CLDN10: variants seen among roughly 807,000 people sequenced by gnomAD.
CLDN10 encodes claudin-10.
In CLDN10, 15 loss-of-function variants were observed where a neutral mutation model predicts 22.9. The ratio of observed to expected loss-of-function variants is 0.65; its 90% CI spans 0.44 to 1.01. The LOEUF (loss-of-function observed/expected upper bound fraction) is 1.01, where lower values mean the gene tolerates loss of function less well. Ranked by LOEUF, CLDN10 falls within the 50% of genes least tolerant of loss-of-function variation. The pLI, the probability that CLDN10 is intolerant of heterozygous loss-of-function variation, is 0.00. For synonymous variants in CLDN10, 114 were observed against 111.4 expected (o/e 1.02, Z -0.15); for missense variants, 247 against 287.8 (o/e 0.86, Z 1.03).
intron 1 of CLDN10, chr13:95,533,597 G>A (rs896013902): frequency 6.6e-6 from 1 of 152,082 alleles, no homozygotes; most frequent in African/African-American, 2.4e-5. Context: ...AGGTGGAGGG[G>A]AAAACCTGTA....
intron 1 of CLDN10, among the ~76,000 whole-genome samples, chr13:95,480,552 T>G (rs2042735679): frequency 6.6e-6 from 1 of 152,190 alleles, no homozygotes; most frequent in African/African-American, 2.4e-5. Context: ...TCCTGCCCAC[T>G]GGGAGCCAGC....
At chr13:95,438,367 A>G (rs533727661) in intron 1 of CLDN10, among the ~76,000 whole-genome samples, 192 of 152,296 alleles carry the variant, frequency 1.3e-3, no homozygotes, top group Non-Finnish European at 2.0e-3. Flanking sequence ...GGCCTCCCAG[A>G]GTGCTGGGAT....
intron 1 of CLDN10, among the ~76,000 whole-genome samples, chr13:95,459,988 C>T (rs981849311): frequency 2.0e-5 from 3 of 152,128 alleles, no homozygotes; most frequent in African/African-American, 7.2e-5. Flanking sequence ...TTTCTTCTGC[C>T]AGATACCCTA....
At chr13:95,545,571 G>A (rs2138630471) in intron 1 of CLDN10, among the ~76,000 whole-genome samples, 1 of 152,200 alleles carries the variant, frequency 6.6e-6, no homozygotes, top group Non-Finnish European at 1.5e-5. Context: ...TCACTTTTGG[G>A]TCCCAGTTTC....
chr13:95,458,503 C>T (rs1454558164), intron 1 of CLDN10, among the ~76,000 whole-genome samples: 3 of 152,116 alleles, frequency 2.0e-5, no homozygotes, highest in Non-Finnish European at 4.4e-5. Flanking sequence ...GGGAAGCAAG[C>T]CACCTTCTTC....
intron 1 of CLDN10, among the ~76,000 whole-genome samples, chr13:95,526,760 C>T (rs1228928501): frequency 2.0e-5 from 3 of 151,220 alleles, no homozygotes; most frequent in Non-Finnish European, 4.4e-5. Flanking sequence ...GCACTCCAGC[C>T]TGGGCAATAA....
At chr13:95,533,339 C>T (rs921660299) in intron 1 of CLDN10, among the ~76,000 whole-genome samples, 4 of 151,738 alleles carry the variant, frequency 2.6e-5, no homozygotes, top group African/African-American at 4.8e-5. Context: ...GGGGTGTTTA[C>T]TGTAAAATTC....
At chr13:95,571,839 A>C (rs2043866091) in intron 3 of CLDN10, among the ~76,000 whole-genome samples, 1 of 152,170 alleles carries the variant, frequency 6.6e-6, no homozygotes, top group South Asian at 2.1e-4. Context: ...AAACTTTGTA[A>C]AAAAACCTAT....
chr13:95,471,453 A>ATATATATATATATATATT (rs776857009), intron 1 of CLDN10, among the ~76,000 whole-genome samples: 12 of 106,390 alleles, frequency 1.1e-4, no homozygotes, highest in Non-Finnish European at 2.0e-4. Context: ...ATATATATAT[A>ATATATATATATATATATT]TTTTTTTTTT....
chr13:95,524,583 C>G (rs12868251), intron 1 of CLDN10, among the ~76,000 whole-genome samples: 15,145 of 152,086 alleles, frequency 0.1, 923 homozygotes, highest in Middle Eastern at 0.13. Flanking sequence ...TTATTTCCAC[C>G]TTTGGGCTAT....
At chr13:95,483,802 T>C (rs1227176411) in intron 1 of CLDN10, among the ~76,000 whole-genome samples, 1 of 152,108 alleles carries the variant, frequency 6.6e-6, no homozygotes, top group Non-Finnish European at 1.5e-5. Flanking sequence ...CAGGCATGAG[T>C]GTGCTATGGT....
At chr13:95,442,897 C>T (rs79386051) in intron 1 of CLDN10, among the ~76,000 whole-genome samples, 6 of 152,174 alleles carry the variant, frequency 3.9e-5, no homozygotes, top group Admixed American at 6.5e-5. Context: ...TAATGTAAAA[C>T]GCTTTACATC....
At chr13:95,450,996 C>A (rs979608616) in intron 1 of CLDN10, among the ~76,000 whole-genome samples, 7 of 152,158 alleles carry the variant, frequency 4.6e-5, no homozygotes, top group African/African-American at 1.4e-4. Context: ...GTGCTAGGAG[C>A]TTTACCCATG....
In CLDN10 at chr13:95,555,428, G is replaced by GT. The variant is rs563138803; in HGVS notation, c.220+2464dup. On this transcript the variant is annotated intron_variant, in intron 1 of 4. Coordinates refer to ENST00000299339, the MANE Select transcript of CLDN10 (RefSeq NM_006984.5). ...TAAAAATGGTCAAAACTCACTGACCGTTTTTTTTTCTCTTTTGTGAATTGG... is the reference window on the plus strand; with the variant it reads ...TAAAAATGGTCAAAACTCACTGACCGTTTTTTTTTTCTCTTTTGTGAATTGG... Among the ~76,000 whole-genome samples, 130 of 150,868 alleles carry GT rather than the reference G, an allele frequency of 8.6e-4. 3 individuals carry two copies. In the South Asian group the frequency reaches 0.024, roughly 28 times the overall value.
intron 1 of CLDN10, among the ~76,000 whole-genome samples, chr13:95,537,329 A>G (rs2043411129): frequency 6.6e-6 from 1 of 152,190 alleles, no homozygotes; most frequent in Admixed American, 6.5e-5. Context: ...GGAAACATTC[A>G]TAATTCAATG....
At chr13:95,515,624 G>A (rs1489524452) in intron 1 of CLDN10, among the ~76,000 whole-genome samples, 1 of 152,104 alleles carries the variant, frequency 6.6e-6, no homozygotes, top group Non-Finnish European at 1.5e-5. Context: ...GAAAAGTCTT[G>A]GATTCACCTC....
At chr13:95,468,731 A>C (rs2042602428) in intron 1 of CLDN10, among the ~76,000 whole-genome samples, 1 of 152,162 alleles carries the variant, frequency 6.6e-6, no homozygotes, top group African/African-American at 2.4e-5. Context: ...GTCTCAAAAA[A>C]AAAAATGAAG....
chr13:95,465,773 T>C (rs1261776010), intron 1 of CLDN10, among the ~76,000 whole-genome samples: 6 of 152,228 alleles, frequency 3.9e-5, no homozygotes, highest in Non-Finnish European at 8.8e-5. Flanking sequence ...ATCTCTGAGA[T>C]CCATTCACCT....
intron 1 of CLDN10, among the ~76,000 whole-genome samples, chr13:95,471,626 A>G (rs1157843931): frequency 1.3e-5 from 2 of 151,086 alleles, no homozygotes; most frequent in African/African-American, 2.4e-5. Flanking sequence ...CTAATTTTGT[A>G]TTTTTAGTAA....
Sources: allele counts gnomAD v4.1 joint callset (sites outside exome capture counted in the v4.1 genomes callset), GRCh38; gene constraint gnomAD v4.1.1; transcripts MANE v1.5; gene names NCBI Gene and HGNC (gene_info 2026-07-23, HGNC 2026-07-21).